The following GPHN variants were observed in gnomAD, a reference collection of about 807,000 sequenced individuals.
The protein encoded by GPHN is gephyrin.
GPHN carries 17 observed loss-of-function variants against 95.5 expected under a neutral mutation model. The ratio of observed to expected loss-of-function variants is 0.18; its 90% CI spans 0.12 to 0.27. GPHN has a LOEUF of 0.27. GPHN is among the 10% of genes least tolerant of loss of function. The pLI is 1.00. For synonymous variants in GPHN, 320 were observed against 322.5 expected (o/e 0.99, Z 0.08); for missense variants, 660 against 978.1 (o/e 0.67, Z 4.34).
chr14:67,088,346 C>A (rs2076993297), intron 11 of GPHN, among the ~76,000 whole-genome samples: 1 of 152,038 alleles, frequency 6.6e-6, no homozygotes, highest in Admixed American at 6.5e-5. Flanking sequence ...CTGATATATA[C>A]ACATATATCT....
chr14:67,489,473 A>G, the GPHN span, among the ~76,000 whole-genome samples: 1 of 152,228 alleles, frequency 6.6e-6, no homozygotes, highest in South Asian at 2.1e-4. Context: ...AATATGCCTG[A>G]GACGCTGCTG....
intron 2 of GPHN, among the ~76,000 whole-genome samples, chr14:66,736,314 A>G (rs2072260318): frequency 6.6e-6 from 1 of 152,108 alleles, no homozygotes; most frequent in Non-Finnish European, 1.5e-5. Context: ...TTGGTCACCT[A>G]CAACTTGATA....
At chr14:66,559,730 G>T (rs1415831684) in intron 1 of GPHN, among the ~76,000 whole-genome samples, 1 of 151,494 alleles carries the variant, frequency 6.6e-6, no homozygotes, top group Non-Finnish European at 1.5e-5. Context: ...CTGTGCAGAA[G>T]CTCTTTAGTT....
intron 9 of GPHN, among the ~76,000 whole-genome samples, chr14:66,982,137 A>T (rs1378950433): frequency 6.6e-6 from 1 of 152,152 alleles, no homozygotes; most frequent in Non-Finnish European, 1.5e-5. Flanking sequence ...GCTATGAAAT[A>T]TATGTTTGGT....
chr14:67,600,743 C>A, the GPHN span, among the ~76,000 whole-genome samples: 1 of 152,176 alleles, frequency 6.6e-6, no homozygotes. Flanking sequence ...CCACGCCCTG[C>A]TGATTTTTGT....
the GPHN span, among the ~76,000 whole-genome samples, chr14:67,675,044 C>G: frequency 6.6e-6 from 1 of 152,226 alleles, no homozygotes. Context: ...TGCGTCTAGA[C>G]GTCGTCCTCA....
intron 10 of GPHN, among the ~76,000 whole-genome samples, chr14:67,048,011 C>A (rs912257870): frequency 2.6e-5 from 4 of 152,142 alleles, no homozygotes; most frequent in Non-Finnish European, 5.9e-5. Context: ...TAAGAGGATG[C>A]ATTTTAACTG....
chr14:67,114,847 A>G (rs1195234017), intron 16 of GPHN, among the ~76,000 whole-genome samples: 1 of 152,190 alleles, frequency 6.6e-6, no homozygotes. Context: ...TGTTTTGTTT[A>G]AGCTACCTTT....
At chr14:67,197,562 T>G in the GPHN span, among the ~76,000 whole-genome samples, 2 of 152,056 alleles carry the variant, frequency 1.3e-5, no homozygotes, top group African/African-American at 4.8e-5. Flanking sequence ...CAGGGACCAG[T>G]GTTGTGGAAG....
At chr14:66,522,296 G>T (rs999748467) in intron 1 of GPHN, among the ~76,000 whole-genome samples, 1 of 152,068 alleles carries the variant, frequency 6.6e-6, no homozygotes. Context: ...TCACCTATGG[G>T]TCTTAGTCTT....
chr14:66,559,006 C>G (rs370962142), intron 1 of GPHN, among the ~76,000 whole-genome samples: 1 of 151,090 alleles, frequency 6.6e-6, no homozygotes, highest in Non-Finnish European at 1.5e-5. Context: ...TTTGTCCTTG[C>G]GATAGTTTAC....
At chr14:67,334,664 T>C in the GPHN span, 1 of 152,446 alleles carries the variant, frequency 6.6e-6, no homozygotes, top group Non-Finnish European at 1.5e-5. Flanking sequence ...ATAATGTTCC[T>C]TAGGAAGAAA....
At chr14:67,313,976 A>T in the GPHN span, among the ~76,000 whole-genome samples, 7 of 127,734 alleles carry the variant, frequency 5.5e-5, no homozygotes, top group East Asian at 2.3e-4. Context: ...AACAAAAATT[A>T]AAAAAAAAAA....
chr14:67,585,906 G>A, the GPHN span: 2 of 1,577,938 alleles, frequency 1.3e-6, no homozygotes, highest in East Asian at 2.2e-5. Flanking sequence ...TAGCTCAGGG[G>A]ACAGGTGGAA....
chr14:67,598,519 TA>T, the GPHN span, among the ~76,000 whole-genome samples: 22,196 of 152,042 alleles, frequency 0.15, 1,991 homozygotes, highest in East Asian at 0.3. Flanking sequence ...GTTCTAGGGC[TA>T]AAGTAAGGAA....
chr14:67,649,503 A>G, the GPHN span: 1 of 152,208 alleles, frequency 6.6e-6, no homozygotes, highest in African/African-American at 2.4e-5. Context: ...GTCTGGAAAC[A>G]TAAGTCATGT....
chr14:67,697,432 G>C, the GPHN span, among the ~76,000 whole-genome samples: 1 of 152,196 alleles, frequency 6.6e-6, no homozygotes, highest in African/African-American at 2.4e-5. Context: ...GGGTGCACTA[G>C]AGCAACAGAA....
the GPHN span, among the ~76,000 whole-genome samples, chr14:67,220,785 T>C: frequency 2.2e-4 from 33 of 152,336 alleles, no homozygotes; most frequent in African/African-American, 7.7e-4. Context: ...ATCAGATCTA[T>C]TTGATAAAGA....
At chr14:67,473,342 A>T in the GPHN span, 1 of 1,555,034 alleles carries the variant, frequency 6.4e-7, no homozygotes, top group Admixed American at 1.8e-5. The surrounding 1 kb of genome is among the most constrained non-coding windows in gnomAD (Gnocchi z 6.5). Context: ...TGCTGCATGG[A>T]TGGGGCAACC....
Sources: allele counts gnomAD v4.1 joint callset (sites outside exome capture counted in the v4.1 genomes callset), GRCh38; gene constraint gnomAD v4.1.1; non-coding constraint Gnocchi (gnomAD v3.1); transcripts MANE v1.5; gene names NCBI Gene and HGNC (gene_info 2026-07-23, HGNC 2026-07-21).